TNRC6B: variants seen among roughly 807,000 people sequenced by gnomAD.
The protein encoded by TNRC6B is trinucleotide repeat containing adaptor 6B, also known as trinucleotide repeat-containing gene 6B protein.
In TNRC6B, 52 loss-of-function variants were observed where a neutral mutation model predicts 203.6. The ratio of observed to expected loss-of-function variants is 0.26; its 90% confidence interval spans 0.20 to 0.32. TNRC6B has a LOEUF of 0.32. TNRC6B is among the 10% of genes least tolerant of loss of function. The pLI is 1.00. For missense variants in TNRC6B, 1,923 were observed against 2,286.2 expected, an observed-to-expected ratio of 0.84 and a Z score of 3.24; for synonymous variants, 838 against 845.7, an observed-to-expected ratio of 0.99 and a Z score of 0.16.
chr22:40,243,216 A>G (rs968428695), intron 1 of TNRC6B, among the ~76,000 whole-genome samples: 2 of 152,140 alleles, frequency 1.3e-5, no homozygotes, highest in Non-Finnish European at 2.9e-5. Flanking sequence ...CAGCCTAGAT[A>G]GAGAACAGTA....
At chr22:40,131,133 G>T (rs2068540911) in intron 3 of TNRC6B, among the ~76,000 whole-genome samples, 1 of 151,960 alleles carries the variant, frequency 6.6e-6, no homozygotes, top group African/African-American at 2.4e-5. Flanking sequence ...TGTTAGCCAG[G>T]AAGGTCTCGA....
At chr22:40,215,567 T>C (rs1014238173) in intron 1 of TNRC6B, among the ~76,000 whole-genome samples, 11 of 152,188 alleles carry the variant, frequency 7.2e-5, no homozygotes, top group African/African-American at 2.7e-4. Context: ...TTTTGCAGTT[T>C]TCCCAATACT....
intron 3 of TNRC6B, among the ~76,000 whole-genome samples, chr22:40,136,438 G>A (rs923388704): frequency 1.0e-4 from 15 of 149,142 alleles, no homozygotes; most frequent in South Asian, 4.3e-4. Flanking sequence ...TTGCTCTGTC[G>A]CGTAGGCTGG....
intron 3 of TNRC6B, among the ~76,000 whole-genome samples, chr22:40,150,820 G>A (rs2068744658): frequency 1.3e-5 from 2 of 152,102 alleles, no homozygotes; most frequent in South Asian, 4.1e-4. Flanking sequence ...GCCCAAGGAG[G>A]GGGAAATAGA....
At chr22:40,065,253 C>T (rs980331172) in intron 1 of TNRC6B, among the ~76,000 whole-genome samples, 23 of 151,980 alleles carry the variant, frequency 1.5e-4, no homozygotes, top group Admixed American at 1.1e-3. Flanking sequence ...CTCAAGTGAT[C>T]GTCCTGCCTC....
chr22:40,310,991 C>T lies in TNRC6B; in HGVS notation c.4433C>T (p.Pro1478Leu). ...GSKSSNASWP[P>L]EFQPGVPWKG... ...AAATCCAGCAATGCCAGTTGGCCTC[C>T]AGGTATTGTCTAGGAAATGCTTTTC... The change falls in exon 17 of 23, where the codon CCA (proline) becomes CTA (leucine). Residue 1478 changes from proline (P) to leucine (L), a missense_variant and splice_region_variant. Physicochemically the swap from Pro to Leu is moderately conservative, Grantham distance 98. This residue lies in a region of TNRC6B where 242 missense variants were observed against 399.5 expected (regional missense o/e 0.61). Transcript: ENST00000454349. 6.2e-7 allele frequency: 1 copy of T among 1,604,340 alleles called. No homozygotes were observed. Among genetic ancestry groups the T allele is most frequent in the Non-Finnish European group, 8.5e-7 (1 of 1,176,080 alleles).
At chr22:40,310,198 G>A (rs1380025459) in intron 16 of TNRC6B, among the ~76,000 whole-genome samples, 1 of 152,186 alleles carries the variant, frequency 6.6e-6, no homozygotes, top group Non-Finnish European at 1.5e-5. Flanking sequence ...TTCTTCATGT[G>A]TGAGGCCACG....
chr22:40,202,802 C>T (rs1232069405), intron 1 of TNRC6B, among the ~76,000 whole-genome samples: 1 of 152,142 alleles, frequency 6.6e-6, no homozygotes, highest in East Asian at 1.9e-4. Flanking sequence ...GGAAGGAGCT[C>T]TGCTCTTGAC....
At chr22:40,242,220 G>A (rs530152344) in intron 1 of TNRC6B, among the ~76,000 whole-genome samples, 1 of 152,022 alleles carries the variant, frequency 6.6e-6, no homozygotes, top group African/African-American at 2.4e-5. Context: ...GCATGCGCAC[G>A]TGCGTGTGTG....
chr22:40,229,464 CTT>C (rs969744470), intron 1 of TNRC6B, among the ~76,000 whole-genome samples: 1 of 150,370 alleles, frequency 6.7e-6, no homozygotes, highest in African/African-American at 2.5e-5. Context: ...TTTTCTCTCT[CTT>C]CTTTGTTTTT....
intron 12 of TNRC6B, among the ~76,000 whole-genome samples, chr22:40,292,948 C>T (rs1415188490): frequency 6.6e-6 from 1 of 152,082 alleles, no homozygotes; most frequent in Non-Finnish European, 1.5e-5. Context: ...CTGTTGTTTT[C>T]ATTTTGCCTT....
Position 40,167,832 on chromosome 22 carries a change from A to G in TNRC6B, c.113+11650A>G, listed in dbSNP as rs141963147. On this transcript the variant is annotated intron_variant, in intron 4 of 23. Transcript: ENST00000301923. ...TGGCAGTTTGAGGCTGCAGTGAGCC[A>G]TGATTGTAGCCGGGGCAACAGAGCG... 2.0e-3 allele frequency among the ~76,000 whole-genome samples: 306 copies of G among 152,082 alleles called. 1 individual carries two copies. Among genetic ancestry groups the G allele is most frequent in the African/African-American group, 7.2e-3 (299 of 41,492 alleles).
At chr22:40,226,646 G>A (rs943421796) in intron 1 of TNRC6B, among the ~76,000 whole-genome samples, 2 of 152,358 alleles carry the variant, frequency 1.3e-5, no homozygotes, top group Admixed American at 1.3e-4. Flanking sequence ...TCCTCCTAGA[G>A]TTGAGAACAC....
chr22:40,114,806 A>G (rs1190704360), intron 1 of TNRC6B, among the ~76,000 whole-genome samples: 5 of 152,172 alleles, frequency 3.3e-5, no homozygotes, highest in Non-Finnish European at 5.9e-5. Flanking sequence ...ACCTGATCAG[A>G]TGGTAGGATT....
At chr22:40,294,432 G>C (rs1207991214) in intron 12 of TNRC6B, among the ~76,000 whole-genome samples, 1 of 152,034 alleles carries the variant, frequency 6.6e-6, no homozygotes, top group East Asian at 1.9e-4. Flanking sequence ...CTTCATATGA[G>C]GACACCAGTT....
At chr22:40,079,756 T>A (rs2146287927) in intron 1 of TNRC6B, among the ~76,000 whole-genome samples, 1 of 152,016 alleles carries the variant, frequency 6.6e-6, no homozygotes, top group East Asian at 1.9e-4. Flanking sequence ...GTAGCTGGAA[T>A]TACAGGCATG....
chr22:40,068,570 G>A (rs911807650), intron 1 of TNRC6B, among the ~76,000 whole-genome samples: 1 of 151,668 alleles, frequency 6.6e-6, no homozygotes, highest in African/African-American at 2.4e-5. Flanking sequence ...CTCCTGCCTT[G>A]GCCTCCTGAA....
chr22:40,109,916 C>T (rs1409936260), intron 1 of TNRC6B, among the ~76,000 whole-genome samples: 1 of 152,180 alleles, frequency 6.6e-6, no homozygotes, highest in Non-Finnish European at 1.5e-5. Flanking sequence ...TTTTAGACTT[C>T]CAAGGTACAC....
At chr22:40,080,080 C>T (rs2146288179) in intron 1 of TNRC6B, among the ~76,000 whole-genome samples, 1 of 150,874 alleles carries the variant, frequency 6.6e-6, no homozygotes, top group East Asian at 1.9e-4. Flanking sequence ...CAGACGTGAG[C>T]CACCGTGCCT....
Sources: allele counts gnomAD v4.1 joint callset (sites outside exome capture counted in the v4.1 genomes callset), GRCh38; gene constraint gnomAD v4.1.1; regional missense constraint gnomAD v4.1.1; transcripts MANE v1.5; gene names NCBI Gene and HGNC (gene_info 2026-07-23, HGNC 2026-07-21).